LRRTM4: variants seen among roughly 807,000 people sequenced by gnomAD.
LRRTM4 encodes leucine rich repeat transmembrane neuronal 4, also known as leucine-rich repeat transmembrane neuronal protein 4.
In LRRTM4, 25 loss-of-function variants were observed where a neutral mutation model predicts 47.6. That is an observed-to-expected ratio of 0.53 (90% confidence interval 0.38 to 0.73). The LOEUF (loss-of-function observed/expected upper bound fraction) is 0.73, where lower values mean the gene tolerates loss of function less well. Among genes scored for constraint, LRRTM4 ranks in the 30% least tolerant of loss-of-function variants. The pLI, the probability that LRRTM4 is intolerant of heterozygous loss-of-function variation, is 0.00. For missense variants in LRRTM4, 638 were observed against 713.4 expected (o/e 0.89, Z 1.20); for synonymous variants, 311 against 269.5 (o/e 1.15, Z -1.51).
At chr2:76,774,394 G>T (rs753585264) in intron 3 of LRRTM4, among the ~76,000 whole-genome samples, 1 of 152,030 alleles carries the variant, frequency 6.6e-6, no homozygotes, top group Non-Finnish European at 1.5e-5. Flanking sequence ...GTTTCACCAT[G>T]TTGGCCAGTG....
At chr2:76,938,795 T>C (rs1675041719) in intron 3 of LRRTM4, among the ~76,000 whole-genome samples, 1 of 152,146 alleles carries the variant, frequency 6.6e-6, no homozygotes. Context: ...AAAAAGTATA[T>C]TTAATAGGAA....
chr2:77,361,147 T>C (rs191744145), intron 3 of LRRTM4, among the ~76,000 whole-genome samples: 2 of 152,190 alleles, frequency 1.3e-5, no homozygotes, highest in Non-Finnish European at 2.9e-5. Flanking sequence ...GCTCCTTCAG[T>C]AACCCTTCTA....
At chr2:77,002,109 T>C (rs1677453310) in intron 3 of LRRTM4, among the ~76,000 whole-genome samples, 1 of 152,196 alleles carries the variant, frequency 6.6e-6, no homozygotes, top group African/African-American at 2.4e-5. Flanking sequence ...ATCTTCAATG[T>C]CACACTCTGT....
At chr2:76,966,210 G>C (rs1434674032) in intron 3 of LRRTM4, among the ~76,000 whole-genome samples, 2 of 151,288 alleles carry the variant, frequency 1.3e-5, no homozygotes, top group Non-Finnish European at 3.0e-5. Flanking sequence ...AAAAAGAAAA[G>C]TGAAAGAGGA....
intron 3 of LRRTM4, among the ~76,000 whole-genome samples, chr2:77,016,996 C>T (rs1327003917): frequency 2.6e-5 from 4 of 152,020 alleles, no homozygotes; most frequent in Non-Finnish European, 4.4e-5. Flanking sequence ...GTGAATACTC[C>T]ATGCTTCCCT....
chr2:76,953,939 A>G (rs1439152460), intron 3 of LRRTM4, among the ~76,000 whole-genome samples: 1 of 151,892 alleles, frequency 6.6e-6, no homozygotes, highest in Non-Finnish European at 1.5e-5. Flanking sequence ...CAGACACCAG[A>G]GAGAGCAAGA....
At chr2:76,817,089 G>T (rs1043266879) in intron 3 of LRRTM4, among the ~76,000 whole-genome samples, 4 of 151,782 alleles carry the variant, frequency 2.6e-5, no homozygotes, top group Non-Finnish European at 5.9e-5. Context: ...TCTAAAGAAT[G>T]AAGTTGGCCT....
chr2:76,929,206 TCAC>T (rs1674687249), intron 3 of LRRTM4, among the ~76,000 whole-genome samples: 1 of 152,154 alleles, frequency 6.6e-6, no homozygotes, highest in Non-Finnish European at 1.5e-5. Context: ...ACCAGACATA[TCAC>T]TGGAAGGAAA....
At chr2:77,282,235 A>G (rs1676526004) in intron 3 of LRRTM4, among the ~76,000 whole-genome samples, 1 of 151,756 alleles carries the variant, frequency 6.6e-6, no homozygotes, top group Admixed American at 6.6e-5. Flanking sequence ...TTTAGCTCTC[A>G]GCTTCAATTT....
chr2:76,799,659 A>G (rs1675548644), intron 3 of LRRTM4, among the ~76,000 whole-genome samples: 1 of 132,610 alleles, frequency 7.5e-6, no homozygotes, highest in Admixed American at 7.5e-5. Context: ...AGGAAGTCAA[A>G]TTGTCCCTGT....
At chr2:77,377,968 T>C (rs1672900233) in intron 3 of LRRTM4, among the ~76,000 whole-genome samples, 1 of 152,048 alleles carries the variant, frequency 6.6e-6, no homozygotes, top group Non-Finnish European at 1.5e-5. Context: ...TGTATTCCTG[T>C]CAAAATTGTA....
chr2:76,819,897 A>G (rs1253760003), intron 3 of LRRTM4, among the ~76,000 whole-genome samples: 1 of 151,912 alleles, frequency 6.6e-6, no homozygotes, highest in African/African-American at 2.4e-5. Context: ...CATCTGTACA[A>G]CCACTGTGTG....
intron 3 of LRRTM4, among the ~76,000 whole-genome samples, chr2:77,306,895 A>ATTT (rs1491512359): frequency 8.0e-6 from 1 of 125,586 alleles, no homozygotes; most frequent in African/African-American, 3.9e-5. Context: ...CTGCTTTTCC[A>ATTT]TATTTTTTTT....
intron 3 of LRRTM4, among the ~76,000 whole-genome samples, chr2:77,444,970 C>CACAT (rs1553445529): frequency 4.1e-5 from 5 of 120,582 alleles, no homozygotes; most frequent in African/African-American, 1.6e-4. Context: ...CACACACACA[C>CACAT]GATCCGGAAA....
intron 3 of LRRTM4, among the ~76,000 whole-genome samples, chr2:77,136,497 C>A (rs962074299): frequency 6.6e-6 from 1 of 152,098 alleles, no homozygotes; most frequent in Non-Finnish European, 1.5e-5. Context: ...CATCAAAGAC[C>A]AAAGGTAGTA....
At chr2:77,132,236 A>G (rs758949834) in intron 3 of LRRTM4, among the ~76,000 whole-genome samples, 3 of 152,142 alleles carry the variant, frequency 2.0e-5, no homozygotes, top group Non-Finnish European at 4.4e-5. Flanking sequence ...GAGTTAGAAC[A>G]TGTGATATCT....
chr2:77,438,739 A>T (rs1177234528), intron 3 of LRRTM4, among the ~76,000 whole-genome samples: 1 of 152,210 alleles, frequency 6.6e-6, no homozygotes, highest in Non-Finnish European at 1.5e-5. Flanking sequence ...AAATTAAAAA[A>T]TTCTTTTCAG....
intron 3 of LRRTM4, among the ~76,000 whole-genome samples, chr2:76,833,582 A>AATATG (rs148110179): frequency 0.46 from 69,978 of 151,130 alleles, 17,615 homozygotes; most frequent in East Asian, 0.76. Context: ...TTATATTCAT[A>AATATG]ATATATTACC....
At chr2:77,061,643 TATC>T (rs1679788656) in intron 3 of LRRTM4, among the ~76,000 whole-genome samples, 1 of 152,130 alleles carries the variant, frequency 6.6e-6, no homozygotes, top group South Asian at 2.1e-4. Context: ...TAGTAGAAAA[TATC>T]ATGTTCATAT....
Sources: allele counts gnomAD v4.1 joint callset (sites outside exome capture counted in the v4.1 genomes callset), GRCh38; gene constraint gnomAD v4.1.1; transcripts MANE v1.5; gene names NCBI Gene and HGNC (gene_info 2026-07-23, HGNC 2026-07-21).